Variants in HSPA9 observed in about 807,000 individuals in gnomAD.
The protein encoded by HSPA9 is stress-70 protein, mitochondrial.
Under a neutral mutation model 81.5 loss-of-function variants are expected in HSPA9, and 28 were observed. That is an observed-to-expected ratio of 0.34 (90% CI 0.25 to 0.47). The LOEUF is 0.47. Ranked by LOEUF, HSPA9 falls within the 20% of genes least tolerant of loss-of-function variation. HSPA9 has a pLI of 1.00. For missense variants in HSPA9, 678 were observed against 838.0 expected, an observed-to-expected ratio of 0.81 and a Z score of 2.36; for synonymous variants, 293 against 290.4, an observed-to-expected ratio of 1.01 and a Z score of -0.09.
chr5:138,574,228 A>G (rs1751028172), intron 1 of HSPA9, 102 bp from the exon 2 acceptor site: 2 of 784,664 alleles, frequency 2.5e-6, no homozygotes, highest in South Asian at 1.5e-5. Context: ...TTAAGCTACT[A>G]AAACAGTAAA....
rs1438582050 is a variant in HSPA9, at chr5:138,571,811, T to TG, written c.229-671_229-670insC. ...GTGCCTGCCACCACACCCAACTAAT[T>TG]TTGTGTGTGTGTGTGTGTGTGTGTA... On this transcript the variant is annotated intron_variant, in intron 3 of 16. Coordinates refer to ENST00000297185, the MANE Select transcript of HSPA9 (RefSeq NM_004134.7). Among the ~76,000 whole-genome samples, 11 of 97,332 alleles carry TG rather than the reference T, an allele frequency of 1.1e-4. No homozygotes were observed. The South Asian group carries it at 3.3e-3, about 29-fold the overall frequency. The allele number at this position is 97,332 out of a possible 152,430, so 63.9% of individuals were successfully genotyped here.
chr5:138,561,960 G>A (rs1750669903), intron 9 of HSPA9, among the ~76,000 whole-genome samples, 171 bp from the exon 10 acceptor site: 1 of 149,490 alleles, frequency 6.7e-6, no homozygotes, highest in Admixed American at 6.6e-5. Context: ...TTTTTTTTGA[G>A]ACAGAGTCTC....
intron 4 of HSPA9, among the ~76,000 whole-genome samples, chr5:138,569,896 GT>G (rs11368588): frequency 5.2e-4 from 76 of 144,956 alleles, no homozygotes; most frequent in African/African-American, 8.4e-4. Flanking sequence ...TATGCTTCTA[GT>G]TTTTTTTTTT....
At chr5:138,561,550 T>A (rs769382840) in intron 10 of HSPA9, 30 bp downstream of exon 10, 54 of 1,582,362 alleles carry the variant, frequency 3.4e-5, no homozygotes, top group Admixed American at 1.7e-5. Context: ...CAGCCCTCTC[T>A]CTCCACGACA....
chr5:138,557,312 C>T, intron 14 of HSPA9, 90 bp downstream of exon 14: 2 of 880,826 alleles, frequency 2.3e-6, no homozygotes, highest in Admixed American at 2.0e-5. Flanking sequence ...GCTGGGATTA[C>T]AGGAGTGAGA....
chr5:138,555,965 T>C lies in HSPA9; in HGVS notation c.*72A>G, dbSNP rs1348400920. 1 of 1,089,614 alleles carries C rather than the reference T, an allele frequency of 9.2e-7. No homozygotes were observed. The highest frequency in any genetic ancestry group is 1.7e-5 in the Admixed American group (1 of 59,174). 67.5% of individuals were successfully genotyped at this position (1,089,614 alleles called of 1,614,324 possible). ...CAGTAAAAAGACTGAAGTTCGCCCA[T>C]TTCTGCTCAGGAAGTCTCTTCACTC... On this transcript the variant is annotated 3_prime_UTR_variant, in exon 17 of 17. Transcript: ENST00000297185.
chr5:138,559,411 T>C (rs989279373), intron 11 of HSPA9, among the ~76,000 whole-genome samples: 1 of 152,126 alleles, frequency 6.6e-6, no homozygotes, highest in Admixed American at 6.5e-5. Context: ...CCAGAAATAA[T>C]TCCTACTTCA....
chr5:138,554,096 C>A lies in HSPA9; in HGVS notation c.*1941G>T, dbSNP rs1482949072. On this transcript the variant is annotated 3_prime_UTR_variant, in exon 17 of 17. Coordinates refer to ENST00000297185, the MANE Select transcript of HSPA9 (RefSeq NM_004134.7). ...GTAAATCTTATTCTAGATATATATC[C>A]TATTGGCTGTAGGAAATCTCCATAT... Among the ~76,000 whole-genome samples the A allele has an allele frequency of 6.6e-6, 1 of 152,190 alleles. No homozygotes were observed. Among genetic ancestry groups the A allele is most frequent in the Non-Finnish European group, 1.5e-5 (1 of 68,036 alleles).
At chr5:138,561,179 T>C in intron 10 of HSPA9, 1 of 424,574 alleles carries the variant, frequency 2.4e-6, no homozygotes, top group Non-Finnish European at 4.9e-6. Context: ...GGGGGCGGGG[T>C]ATTACCAAGG....
At chr5:138,571,568 G>T (rs529517569) in intron 3 of HSPA9, among the ~76,000 whole-genome samples, 1 of 152,048 alleles carries the variant, frequency 6.6e-6, no homozygotes, top group African/African-American at 2.4e-5. Context: ...CAATACTACC[G>T]GGCATGCTTT....
At chr5:138,573,918 T>C in intron 2 of HSPA9, 68 bp from the exon 3 acceptor site, 1 of 1,341,540 alleles carries the variant, frequency 7.5e-7, no homozygotes, top group Non-Finnish European at 1.1e-6. Context: ...TGGAAGATAA[T>C]ATTTAATTGG....
rs767634301 is a variant in HSPA9 at position 138,574,037 on chromosome 5, T to TC, written c.140+30dup. ...CACTGCTTTGAAGTTTAATATGTAT[T>TC]CCCTCTCAAAGGAAATGATATTATA... On this transcript the variant is annotated intron_variant, in intron 2 of 16. Transcript: ENST00000297185. 2.6e-6 allele frequency: 4 copies of TC among 1,554,996 alleles called. No individual in the cohort carries two copies. The African/African-American group carries it at 5.4e-5, about 21-fold the overall frequency.
intron 4 of HSPA9, among the ~76,000 whole-genome samples, chr5:138,570,315 A>T (rs1750851191): frequency 6.6e-6 from 1 of 152,034 alleles, no homozygotes; most frequent in Non-Finnish European, 1.5e-5. Flanking sequence ...TTCTATTGGG[A>T]GGGGGGAAGA....
intron 14 of HSPA9, 95 bp downstream of exon 14, chr5:138,557,307 G>C (rs1750549687): frequency 1.2e-6 from 1 of 856,734 alleles, no homozygotes; most frequent in Non-Finnish European, 2.0e-6. Flanking sequence ...ACAGTGCTGG[G>C]ATTACAGGAG....
At chr5:138,568,635 T>C (rs1750816036) in intron 5 of HSPA9, among the ~76,000 whole-genome samples, 2 of 152,258 alleles carry the variant, frequency 1.3e-5, no homozygotes, top group Non-Finnish European at 2.9e-5. Context: ...TAGGAAGTTC[T>C]AATTTATACC....
intron 3 of HSPA9, among the ~76,000 whole-genome samples, chr5:138,573,085 A>G (rs188371525): frequency 4.8e-4 from 73 of 152,194 alleles, no homozygotes; most frequent in African/African-American, 1.6e-3. Flanking sequence ...TAGTAGAGAC[A>G]GGTTTCACCA....
At chr5:138,561,943 ACTT>A (rs891439570) in intron 9 of HSPA9, among the ~76,000 whole-genome samples, 154 bp from the exon 10 acceptor site, 1 of 149,866 alleles carries the variant, frequency 6.7e-6, no homozygotes, top group Non-Finnish European at 1.5e-5. Flanking sequence ...CACCAAGAAT[ACTT>A]TTTTTTTTTT....
intron 1 of HSPA9, 75 bp downstream of exon 1, chr5:138,575,163 G>A: frequency 9.7e-7 from 1 of 1,026,798 alleles, no homozygotes; most frequent in Non-Finnish European, 1.5e-6. Flanking sequence ...TAAAGGGCGC[G>A]CGGCCTGCCG....
chr5:138,563,870 T>G (rs1195447804), intron 9 of HSPA9, among the ~76,000 whole-genome samples: 1 of 152,240 alleles, frequency 6.6e-6, no homozygotes, highest in Non-Finnish European at 1.5e-5. Context: ...GGCTGCAGGT[T>G]GGACAAGCCT....
Sources: allele counts gnomAD v4.1 joint callset (sites outside exome capture counted in the v4.1 genomes callset), GRCh38; gene constraint gnomAD v4.1.1; transcripts MANE v1.5; gene names NCBI Gene and HGNC (gene_info 2026-07-23, HGNC 2026-07-21).